Variants in DLGAP2 observed in about 807,000 individuals in gnomAD.
DLGAP2 encodes disks large-associated protein 2.
Under a neutral mutation model 100.3 loss-of-function variants are expected in DLGAP2, and 26 were observed. The ratio of observed to expected loss-of-function variants is 0.26; its 90% CI spans 0.19 to 0.36. The LOEUF is 0.36. Among genes scored for constraint, DLGAP2 ranks in the 10% least tolerant of loss-of-function variants. The probability of loss-of-function intolerance (pLI) is 1.00; values close to 1 mark genes in which losing one functional copy is unlikely to be tolerated. For missense variants in DLGAP2, 1,858 were observed against 1,453.2 expected, an observed-to-expected ratio of 1.28 and a Z score of -4.53; for synonymous variants, 886 against 630.1, an observed-to-expected ratio of 1.41 and a Z score of -6.08.
intron 2 of DLGAP2, among the ~76,000 whole-genome samples, chr8:980,873 C>T (rs184291363): frequency 1.3e-5 from 2 of 152,094 alleles, no homozygotes; most frequent in Admixed American, 6.6e-5. Flanking sequence ...ACAGGAACGC[C>T]TGGAATTCTA....
At chr8:946,073 C>CCCCATT (rs370821809) in intron 2 of DLGAP2, among the ~76,000 whole-genome samples, 43,466 of 151,870 alleles carry the variant, frequency 0.29, 7,048 homozygotes, top group Admixed American at 0.4. Flanking sequence ...CTGCAGCCTC[C>CCCCATT]TGTGCTCAGC....
intron 2 of DLGAP2, among the ~76,000 whole-genome samples, 178 bp downstream of exon 2, chr8:908,144 T>C (rs2128998890): frequency 6.6e-6 from 1 of 152,352 alleles, no homozygotes; most frequent in Middle Eastern, 3.4e-3. Flanking sequence ...AGTTCTGTGG[T>C]GATTTATGAG....
intron 8 of DLGAP2, among the ~76,000 whole-genome samples, chr8:1,639,870 A>G (rs1372827477): frequency 6.6e-6 from 1 of 152,036 alleles, no homozygotes; most frequent in Non-Finnish European, 1.5e-5. Flanking sequence ...TCCCTTCCTC[A>G]TGTAAGGACC....
chr8:772,341 G>C (rs956429167), intron 1 of DLGAP2, among the ~76,000 whole-genome samples: 2 of 151,168 alleles, frequency 1.3e-5, no homozygotes, highest in South Asian at 2.1e-4. Context: ...AATTTTTTTT[G>C]AGACAGAGTC....
intron 7 of DLGAP2, among the ~76,000 whole-genome samples, chr8:1,627,140 G>C (rs147212275): frequency 2.7e-3 from 412 of 152,354 alleles, no homozygotes; most frequent in Admixed American, 7.0e-3. Flanking sequence ...TGACCAAAAG[G>C]GTGGTCATCC....
At chr8:745,872 C>T (rs1338423666) in intron 1 of DLGAP2, among the ~76,000 whole-genome samples, 1 of 152,202 alleles carries the variant, frequency 6.6e-6, no homozygotes, top group Non-Finnish European at 1.5e-5. Context: ...AGCATAAAGA[C>T]CAGACTGGAA....
intron 2 of DLGAP2, among the ~76,000 whole-genome samples, chr8:1,218,911 A>G (rs1256052985): frequency 6.6e-6 from 1 of 151,922 alleles, no homozygotes; most frequent in African/African-American, 2.4e-5. Flanking sequence ...TGTGGTCTGG[A>G]TTGGGTTCTC....
chr8:1,408,514 A>G (rs1270104235), intron 3 of DLGAP2, among the ~76,000 whole-genome samples: 7 of 152,174 alleles, frequency 4.6e-5, no homozygotes, highest in African/African-American at 1.7e-4. Flanking sequence ...TGGGCCTTGG[A>G]TGATGAGGGT....
chr8:1,474,888 G>A (rs1382166009), intron 3 of DLGAP2, among the ~76,000 whole-genome samples: 2 of 152,174 alleles, frequency 1.3e-5, no homozygotes, highest in African/African-American at 4.8e-5. Flanking sequence ...TAGGTATATA[G>A]CCAAAGAAAA....
intron 4 of DLGAP2, among the ~76,000 whole-genome samples, chr8:1,542,406 A>T (rs1801392614): frequency 6.6e-6 from 1 of 152,110 alleles, no homozygotes; most frequent in Non-Finnish European, 1.5e-5. Flanking sequence ...CTGCCCTCTC[A>T]CCTACCCTGA....
intron 3 of DLGAP2, among the ~76,000 whole-genome samples, chr8:1,487,752 C>T (rs1255043622): frequency 6.6e-6 from 1 of 152,200 alleles, no homozygotes; most frequent in Admixed American, 6.5e-5. Context: ...CAAGCATGCA[C>T]CACACAGCAC....
chr8:909,833 G>A lies in DLGAP2; in HGVS notation c.73+1867G>A, dbSNP rs538907867. Reference sequence around the variant, plus strand: ...GGAGAATTCTAGCTTTTAGCAAATAGTTTGCTCCAGTATGTCCGAAGCTGC... The same window carrying A: ...GGAGAATTCTAGCTTTTAGCAAATAATTTGCTCCAGTATGTCCGAAGCTGC... On this transcript the variant is annotated intron_variant, in intron 2 of 14. Coordinates refer to ENST00000637795, the MANE Select transcript of DLGAP2 (RefSeq NM_001346810.2). Among the ~76,000 whole-genome samples, 4 of 152,276 alleles carry A rather than the reference G, an allele frequency of 2.6e-5. No individual in the cohort carries two copies. The East Asian group carries it at 7.7e-4, about 29-fold the overall frequency.
At chr8:1,193,891 C>G (rs560540696) in intron 2 of DLGAP2, among the ~76,000 whole-genome samples, 1 of 152,258 alleles carries the variant, frequency 6.6e-6, no homozygotes, top group African/African-American at 2.4e-5. Flanking sequence ...GCCCCCGCCT[C>G]CTGTCCCCAG....
chr8:951,749 C>T (rs1194659901), intron 2 of DLGAP2, among the ~76,000 whole-genome samples: 3 of 152,132 alleles, frequency 2.0e-5, no homozygotes, highest in Non-Finnish European at 4.4e-5. Context: ...TCACCTGGGG[C>T]GTCATGCATT....
In DLGAP2 at chr8:845,682, A is replaced by C. The variant is rs537804936; in HGVS notation, c.19-62230A>C. Among the ~76,000 whole-genome samples the C allele has an allele frequency of 1.3e-4, 20 of 152,196 alleles. 2 individuals carry two copies. In the South Asian group the frequency reaches 3.7e-3, roughly 28 times the overall value. The stretch of plus-strand genomic sequence containing the variant: ...TTTAAATTTTGATGATATCCAGTTT[A>C]TTTCTTTTTTTGCTGCTTGTGCTTT... On this transcript the variant is annotated intron_variant, in intron 1 of 14. Coordinates refer to ENST00000637795, the MANE Select transcript of DLGAP2 (RefSeq NM_001346810.2).
intron 3 of DLGAP2, among the ~76,000 whole-genome samples, chr8:1,347,279 C>T (rs1801584899): frequency 6.6e-6 from 1 of 151,752 alleles, no homozygotes; most frequent in African/African-American, 2.4e-5. Flanking sequence ...AGCTACACTG[C>T]ACTCACGGTA....
chr8:1,369,321 G>T (rs2129697510), intron 3 of DLGAP2: 1 of 152,300 alleles, frequency 6.6e-6, no homozygotes, highest in African/African-American at 2.4e-5. Context: ...CCCTTGGCTG[G>T]CAGACGCTGT....
In DLGAP2 at chr8:1,672,242, T is replaced by C. The variant is rs79900600; in HGVS notation, c.2202+2458T>C. The stretch of plus-strand genomic sequence containing the variant: ...TTTTATTTTTAATTTTTTTTTTTTT[T>C]TTGAGATGGAGTCTCACTCTGTTGC... On this transcript the variant is annotated intron_variant, in intron 10 of 14. Coordinates refer to ENST00000637795, the MANE Select transcript of DLGAP2 (RefSeq NM_001346810.2). Among the ~76,000 whole-genome samples the C allele has an allele frequency of 4.6e-3, 697 of 150,650 alleles. 6 individuals are homozygous for C. The highest frequency in any genetic ancestry group is 0.014 in the African/African-American group (584 of 41,078).
chr8:1,460,534 G>A (rs1798443661), intron 3 of DLGAP2, among the ~76,000 whole-genome samples: 1 of 152,160 alleles, frequency 6.6e-6, no homozygotes, highest in South Asian at 2.1e-4. Flanking sequence ...GAGCCACAGT[G>A]GATCACAGCA....
Sources: allele counts gnomAD v4.1 joint callset (sites outside exome capture counted in the v4.1 genomes callset), GRCh38; gene constraint gnomAD v4.1.1; transcripts MANE v1.5; gene names NCBI Gene and HGNC (gene_info 2026-07-23, HGNC 2026-07-21).